Variants in PPM1E observed in about 807,000 individuals in gnomAD.
The protein encoded by PPM1E is protein phosphatase 1E.
A neutral mutation model predicts 65.9 loss-of-function variants in PPM1E; 20 were observed. The observed-to-expected ratio is 0.30, with a 90% CI of 0.21 to 0.44. The LOEUF (loss-of-function observed/expected upper bound fraction) is 0.44. PPM1E is among the 20% of genes least tolerant of loss of function. The probability of loss-of-function intolerance (pLI) is 1.00; values close to 1 mark genes in which losing one functional copy is unlikely to be tolerated. For missense variants in PPM1E, 713 were observed against 953.1 expected, an observed-to-expected ratio of 0.75 and a Z score of 3.32; for synonymous variants, 352 against 374.9, an observed-to-expected ratio of 0.94 and a Z score of 0.70.
chr17:58,926,951 G>C (rs1281247493), intron 1 of PPM1E, among the ~76,000 whole-genome samples: 1 of 151,754 alleles, frequency 6.6e-6, no homozygotes, highest in Non-Finnish European at 1.5e-5. Context: ...TTAAACTCTT[G>C]ATTTTAAAAA....
chr17:58,962,007 G>A (rs924628980), intron 2 of PPM1E, among the ~76,000 whole-genome samples: 6 of 152,040 alleles, frequency 3.9e-5, no homozygotes, highest in African/African-American at 9.7e-5. Flanking sequence ...AACCATGGCC[G>A]GGCGTGGTGG....
chr17:58,980,965 G>A lies in PPM1E; in HGVS notation c.2202G>A (p.Met734Ile). 5 of 1,614,168 alleles carry A rather than the reference G, an allele frequency of 3.1e-6. No individual in the cohort carries two copies. Among genetic ancestry groups the A allele is most frequent in the Non-Finnish European group, 4.2e-6 (5 of 1,180,014 alleles). The change falls in exon 7 of 7, where the codon ATG becomes ATA. Residue 734 changes from methionine to isoleucine, a missense_variant. Coordinates refer to ENST00000308249, the MANE Select transcript of PPM1E (RefSeq NM_014906.5). The surrounding 1 kb of genome is among the most constrained non-coding windows in gnomAD (Gnocchi z 4.7). ...GTTGGAAAGGGTACAGTGAAAACAT[G>A]AGGAAGCTCAGAAAGACTCATGATA... is the stretch of plus-strand genomic sequence containing the variant. ...QNSWKGYSEN[M>I]RKLRKTHDIP...
At chr17:58,875,774 C>G (rs906019579) in intron 1 of PPM1E, among the ~76,000 whole-genome samples, 2 of 152,078 alleles carry the variant, frequency 1.3e-5, no homozygotes, top group Admixed American at 6.6e-5. Context: ...TAGTTCTAAT[C>G]ATTACTAACA....
At chr17:58,950,790 T>C (rs2052225712) in intron 1 of PPM1E, among the ~76,000 whole-genome samples, 1 of 147,858 alleles carries the variant, frequency 6.8e-6, no homozygotes, top group Admixed American at 6.7e-5. Context: ...TTTTTTTTTT[T>C]TTTTTTGAGA....
intron 1 of PPM1E, among the ~76,000 whole-genome samples, chr17:58,865,170 A>T (rs1464165608): frequency 6.6e-6 from 1 of 151,706 alleles, no homozygotes; most frequent in African/African-American, 2.4e-5. Context: ...CAGATGGATC[A>T]CGAGGTCAGA....
intron 1 of PPM1E, among the ~76,000 whole-genome samples, chr17:58,815,082 T>G: frequency 6.6e-6 from 1 of 152,210 alleles, no homozygotes; most frequent in African/African-American, 2.4e-5. Context: ...CCACTTAAAC[T>G]TTTGCCCTCT....
At chr17:58,917,450 C>T (rs2051697553) in intron 1 of PPM1E, among the ~76,000 whole-genome samples, 1 of 152,088 alleles carries the variant, frequency 6.6e-6, no homozygotes, top group Non-Finnish European at 1.5e-5. Context: ...ACAGTTTTTC[C>T]TAAGGCAATG....
chr17:58,925,466 A>C (rs2051812331), intron 1 of PPM1E, among the ~76,000 whole-genome samples: 1 of 151,266 alleles, frequency 6.6e-6, no homozygotes, highest in African/African-American at 2.4e-5. Context: ...TTTGAGAGGG[A>C]GTCTCGCTCT....
chr17:58,965,416 T>C (rs1199664154), intron 2 of PPM1E, among the ~76,000 whole-genome samples: 1 of 152,106 alleles, frequency 6.6e-6, no homozygotes, highest in African/African-American at 2.4e-5. Context: ...TTTCTCCAGC[T>C]GGAAGAAATC....
At chr17:58,777,935 T>C (rs1320524030) in intron 1 of PPM1E, among the ~76,000 whole-genome samples, 3 of 151,930 alleles carry the variant, frequency 2.0e-5, no homozygotes, top group African/African-American at 7.2e-5. Flanking sequence ...TTTGATATTG[T>C]TGTTGTTGTT....
At chr17:58,784,577 T>C (rs965391134) in intron 1 of PPM1E, among the ~76,000 whole-genome samples, 11 of 149,498 alleles carry the variant, frequency 7.4e-5, no homozygotes, top group Non-Finnish European at 1.3e-4. Flanking sequence ...CAGGCTGGAG[T>C]GCAGTGGCAC....
intron 1 of PPM1E, among the ~76,000 whole-genome samples, chr17:58,893,260 G>A (rs1191833956): frequency 6.6e-6 from 1 of 152,074 alleles, no homozygotes; most frequent in Non-Finnish European, 1.5e-5. Flanking sequence ...CCAGACAATG[G>A]AATATTATTT....
chr17:58,888,239 G>A (rs1394781483), intron 1 of PPM1E, among the ~76,000 whole-genome samples: 1 of 151,962 alleles, frequency 6.6e-6, no homozygotes, highest in African/African-American at 2.4e-5. Flanking sequence ...TAAGTAAATG[G>A]TATCCATGGA....
chr17:58,949,800 T>G (rs2052211864), intron 1 of PPM1E, among the ~76,000 whole-genome samples: 1 of 152,210 alleles, frequency 6.6e-6, no homozygotes, highest in Non-Finnish European at 1.5e-5. Context: ...AGACTAGTGG[T>G]GATGAATTCT....
chr17:58,922,784 A>G (rs1384468610), intron 1 of PPM1E, among the ~76,000 whole-genome samples: 1 of 150,558 alleles, frequency 6.6e-6, no homozygotes, highest in African/African-American at 2.4e-5. Context: ...TCCCGGGTTC[A>G]AGTGATTATC....
chr17:58,905,540 A>G (rs753713901), intron 1 of PPM1E, among the ~76,000 whole-genome samples: 5 of 152,134 alleles, frequency 3.3e-5, no homozygotes, highest in Admixed American at 2.0e-4. Context: ...AGATGCATCA[A>G]TTTTGCATAT....
At chr17:58,816,745 TA>T (rs1226930610) in intron 1 of PPM1E, among the ~76,000 whole-genome samples, 1 of 11,232 alleles carries the variant, frequency 8.9e-5, no homozygotes, top group Non-Finnish European at 1.4e-4. Flanking sequence ...AATATAAATA[TA>T]TATATATATA....
At chr17:58,963,062 C>T (rs2030087090) in intron 2 of PPM1E, among the ~76,000 whole-genome samples, 1 of 151,554 alleles carries the variant, frequency 6.6e-6, no homozygotes, top group South Asian at 2.1e-4. Context: ...CCACTCTAGC[C>T]TGGGCAACAG....
In PPM1E at chr17:58,756,344, C is replaced by T. The variant is rs2049763902; in HGVS notation, c.347C>T (p.Pro116Leu). 1.4e-6 allele frequency: 2 copies of T among 1,381,916 alleles called. No homozygotes were observed. The highest frequency in any genetic ancestry group is 1.8e-5 in the South Asian group (1 of 55,220). The allele number at this position is 1,381,916 out of a possible 1,614,324, so 85.6% of individuals were successfully genotyped here. ...GCCCCGGGGCACTCGGCCGTGCCGC[C>T]GCCGCCGCCCCAGCTGCCGCCTTTG... is the stretch of plus-strand genomic sequence containing the variant. ...AAAPGHSAVP[P>L]PPPQLPPLPP... The change falls in exon 1 of 7, where the codon CCG becomes CTG. Residue 116 changes from proline (P) to leucine (L), a missense_variant. Transcript: ENST00000308249.
Sources: gnomAD v4.1 joint callset for allele counts (sites outside exome capture counted in the v4.1 genomes callset) on GRCh38, gnomAD v4.1.1 for gene constraint, Gnocchi (gnomAD v3.1) non-coding constraint, MANE v1.5 for transcripts, NCBI Gene and HGNC (gene_info 2026-07-23, HGNC 2026-07-21) for gene names.